CRADD: variants seen among roughly 807,000 people sequenced by gnomAD.
CRADD encodes CARD and death domain containing adaptor protein.
In CRADD, 9 loss-of-function variants were observed where a neutral mutation model predicts 15.5. That is an observed-to-expected ratio of 0.58 (90% CI 0.35 to 1.01). CRADD has a LOEUF of 1.01. Among genes scored for constraint, CRADD ranks in the 50% least tolerant of loss-of-function variants. The pLI, the probability that CRADD is intolerant of heterozygous loss-of-function variation, is 0.02. For synonymous variants in CRADD, 118 were observed against 107.6 expected (o/e 1.10, Z -0.60); for missense variants, 227 against 250.3 (o/e 0.91, Z 0.63).
chr12:93,679,063 C>T lies in CRADD; in HGVS notation c.289C>T (p.Leu97=). ...GGCAAGGGAAGAGGCCATGACCGAC[C>T]TGCCTGCAGGTAGGCCTCAGAAAGA... is the stretch of plus-strand genomic sequence containing the variant. ...KKAREEAMTD[L]PAGDRLTGIP... is the part of the protein sequence containing the mutation. Residue 97 remains leucine (L), a synonymous_variant, in exon 2 of 3, where the codon CTG becomes TTG. Transcript: ENST00000332896. 2 of 1,612,338 alleles carry T rather than the reference C, an allele frequency of 1.2e-6. No homozygotes were observed. The highest frequency in any genetic ancestry group is 2.2e-5 in the East Asian group (1 of 44,854).
rs73363131 is a variant in CRADD at position 93,775,109 on chromosome 12, A to G, written c.299-74861A>G. On this transcript the variant is annotated intron_variant, in intron 2 of 2. Coordinates refer to ENST00000332896, the MANE Select transcript of CRADD (RefSeq NM_003805.5). ...TGACAAAAACCCAAAATGATGATCA[A>G]TGCTCCTGTGAGCATTTGGTGCTCA... Among the ~76,000 whole-genome samples, 291 of 152,358 alleles carry G rather than the reference A, an allele frequency of 1.9e-3. 2 individuals carry two copies. Among genetic ancestry groups the G allele is most frequent in the African/African-American group, 6.0e-3 (249 of 41,586 alleles).
At chr12:93,857,547 TAGTA>T (rs1178052747) in intron 2 of CRADD, among the ~76,000 whole-genome samples, 1 of 152,198 alleles carries the variant, frequency 6.6e-6, no homozygotes, top group Non-Finnish European at 1.5e-5. Context: ...TGAATATAAA[TAGTA>T]GGTAGTGGTT....
At chr12:93,747,466 C>CTT (rs1280588379) in intron 2 of CRADD, among the ~76,000 whole-genome samples, 1 of 145,256 alleles carries the variant, frequency 6.9e-6, no homozygotes, top group Non-Finnish European at 1.5e-5. Flanking sequence ...TTTTCTTCTT[C>CTT]TTTTTTTTTT....
At chr12:93,700,696 C>T (rs1055097634) in intron 2 of CRADD, among the ~76,000 whole-genome samples, 6 of 152,300 alleles carry the variant, frequency 3.9e-5, no homozygotes, top group African/African-American at 1.4e-4. Context: ...TCCCAAAGTG[C>T]TTGGATTACA....
intron 2 of CRADD, among the ~76,000 whole-genome samples, chr12:93,801,012 C>T (rs1957471375): frequency 1.3e-5 from 2 of 152,122 alleles, no homozygotes; most frequent in African/African-American, 2.4e-5. Context: ...GTAAGCTAGT[C>T]GTTGAATCTA....
intron 2 of CRADD, among the ~76,000 whole-genome samples, chr12:93,836,896 G>A (rs187675919): frequency 1.3e-4 from 20 of 152,276 alleles, no homozygotes; most frequent in Non-Finnish European, 4.4e-5. Context: ...GGCAGGCAGC[G>A]ACAGTAAATA....
chr12:93,834,253 T>C (rs369142197), intron 2 of CRADD, among the ~76,000 whole-genome samples: 21 of 152,346 alleles, frequency 1.4e-4, no homozygotes, highest in African/African-American at 4.8e-4. Flanking sequence ...GCTATCATTT[T>C]CATACTAGAC....
intron 2 of CRADD, among the ~76,000 whole-genome samples, chr12:93,884,399 G>C (rs1422109895): frequency 6.6e-6 from 1 of 152,156 alleles, no homozygotes; most frequent in Admixed American, 6.5e-5. Context: ...AGAGGTCCCT[G>C]GCGAAACCCT....
chr12:93,871,009 A>G (rs1018862002), intron 2 of CRADD, among the ~76,000 whole-genome samples: 2 of 152,364 alleles, frequency 1.3e-5, no homozygotes, highest in African/African-American at 4.8e-5. Context: ...AGACCCAACT[A>G]CATGCCATAT....
At chr12:93,764,942 G>GA (rs754682487) in intron 2 of CRADD, among the ~76,000 whole-genome samples, 7 of 150,868 alleles carry the variant, frequency 4.6e-5, no homozygotes, top group Non-Finnish European at 1.0e-4. Context: ...AATTATTTGG[G>GA]GAAAAAAATC....
chr12:93,882,538 T>C (rs979081956), intron 2 of CRADD, among the ~76,000 whole-genome samples: 2 of 152,044 alleles, frequency 1.3e-5, no homozygotes, highest in Admixed American at 6.6e-5. Context: ...GCTAAATTTG[T>C]ATATAAAAGA....
chr12:93,798,566 A>C (rs1957445222), intron 2 of CRADD, among the ~76,000 whole-genome samples: 2 of 152,182 alleles, frequency 1.3e-5, no homozygotes, highest in Admixed American at 6.5e-5. Flanking sequence ...TCAAAGTCAC[A>C]GCTAGTAGGT....
Position 93,880,374 on chromosome 12 carries a change from G to T in CRADD, c.299-13676G>T, listed in dbSNP as rs147183914. ...AAGTCATTTCCACCCCCAAAGGAAG[G>T]CTTTGAATACAATTATTCCTACATT... On this transcript the variant is annotated intron_variant, in intron 2 of 2. Transcript: ENST00000548483. Among the ~76,000 whole-genome samples, 251 of 152,212 alleles carry T rather than the reference G, an allele frequency of 1.6e-3. 1 individual carries two copies. Among genetic ancestry groups the T allele is most frequent in the African/African-American group, 5.2e-3 (215 of 41,526 alleles).
At chr12:93,831,805 T>A (rs1341369756) in intron 2 of CRADD, among the ~76,000 whole-genome samples, 1 of 152,254 alleles carries the variant, frequency 6.6e-6, no homozygotes, top group Non-Finnish European at 1.5e-5. Flanking sequence ...CCTGCATCTG[T>A]CTGTATCACA....
chr12:93,733,344 G>A (rs1389442757), intron 2 of CRADD, among the ~76,000 whole-genome samples: 1 of 152,206 alleles, frequency 6.6e-6, no homozygotes, highest in Admixed American at 6.5e-5. Context: ...ATAAGAATCT[G>A]TAGGTAGGGA....
At chr12:93,799,987 A>G (rs1957459455) in intron 2 of CRADD, among the ~76,000 whole-genome samples, 1 of 152,222 alleles carries the variant, frequency 6.6e-6, no homozygotes, top group Non-Finnish European at 1.5e-5. Context: ...TTTGGGATAC[A>G]CTGTATTAGG....
chr12:93,683,835 G>T (rs972540983), intron 2 of CRADD, among the ~76,000 whole-genome samples: 4 of 152,228 alleles, frequency 2.6e-5, no homozygotes, highest in African/African-American at 7.2e-5. Context: ...CTTTTCATAG[G>T]TTCCTCCAAT....
At chr12:93,890,622 G>T (rs926270383) in intron 2 of CRADD, among the ~76,000 whole-genome samples, 1 of 152,248 alleles carries the variant, frequency 6.6e-6, no homozygotes, top group East Asian at 1.9e-4. Context: ...GTGGAGACTG[G>T]CCCTGCCATC....
Position 93,824,917 on chromosome 12 carries a change from T to C in CRADD, c.299-25053T>C, listed in dbSNP as rs938329514. ...CCCGTCTTTTTGCCAATTAAATGTT[T>C]ACATTATCTTTTTGCTCAGATAGTT... On this transcript the variant is annotated intron_variant, in intron 2 of 2. Transcript: ENST00000332896. This position sits in a 1 kb window ranked among gnomAD's most constrained non-coding sequence, Gnocchi z 4.3. Among the ~76,000 whole-genome samples the C allele has an allele frequency of 2.0e-5, 3 of 152,252 alleles. No individual in the cohort carries two copies. Among genetic ancestry groups the C allele is most frequent in the African/African-American group, 7.2e-5 (3 of 41,470 alleles).
Sources: gnomAD v4.1 joint callset for allele counts (sites outside exome capture counted in the v4.1 genomes callset) on GRCh38, gnomAD v4.1.1 for gene constraint, Gnocchi (gnomAD v3.1) non-coding constraint, MANE v1.5 for transcripts, NCBI Gene and HGNC (gene_info 2026-07-23, HGNC 2026-07-21) for gene names.